Variants in POLG observed in about 807,000 individuals in gnomAD.
The protein encoded by POLG is DNA polymerase subunit gamma-1.
In POLG, 110 loss-of-function variants were observed where a neutral mutation model predicts 155.4. The observed-to-expected ratio is 0.71, with a 90% CI of 0.61 to 0.83. POLG has a LOEUF of 0.83. Ranked by LOEUF, POLG falls within the 40% of genes least tolerant of loss-of-function variation. The pLI is 0.00. For synonymous variants in POLG, 701 were observed against 631.5 expected, an observed-to-expected ratio of 1.11 and a Z score of -1.65; for missense variants, 1,685 against 1,627.5, an observed-to-expected ratio of 1.04 and a Z score of -0.61.
Position 89,333,769 on chromosome 15 carries a change from C to A in POLG, c.-15G>T. On this transcript the variant is annotated 5_prime_UTR_variant, in exon 2 of 23. Transcript: ENST00000268124. Reference sequence around the variant, plus strand: ...AGGCGGCTCATGGTTGGTGCAGGGACCCCCACGCTGGGAGTCAGAACACCT... The same window carrying A: ...AGGCGGCTCATGGTTGGTGCAGGGAACCCCACGCTGGGAGTCAGAACACCT... 6.5e-7 allele frequency: 1 copy of A among 1,534,992 alleles called. No individual in the cohort carries two copies. Among genetic ancestry groups the A allele is most frequent in the Non-Finnish European group, 8.7e-7 (1 of 1,146,344 alleles).
chr15:89,318,232 C>CA (rs2055333030), intron 21 of POLG, among the ~76,000 whole-genome samples: 1 of 152,166 alleles, frequency 6.6e-6, no homozygotes, highest in Non-Finnish European at 1.5e-5. Context: ...AGGCTTCTGT[C>CA]ATTTGATTTT....
chr15:89,327,474 A>G, intron 6 of POLG, 125 bp from the exon 7 acceptor site: 1 of 825,146 alleles, frequency 1.2e-6, no homozygotes, highest in Non-Finnish European at 2.0e-6. Context: ...GTCAGACGGC[A>G]TTAAATCCCA....
intron 5 of POLG, 39 bp downstream of exon 5, chr15:89,328,646 C>A: frequency 1.2e-6 from 2 of 1,613,112 alleles, no homozygotes; most frequent in Non-Finnish European, 1.7e-6. Context: ...TAGGGGTGTG[C>A]CACAGCCCAT....
At position 89,326,911 on chromosome 15, in the gene POLG, C is replaced by T; in HGVS notation, c.1585+1G>A. The T allele has an allele frequency of 6.2e-7, 1 of 1,614,144 alleles. No homozygotes were observed. The highest frequency in any genetic ancestry group is 8.5e-7 in the Non-Finnish European group (1 of 1,180,034). Reference sequence around the variant, plus strand: ...CCCTACCTCCCACCCATGCTCCCCACCTTCCTGATCCATGGGATCACCAGG... The same window carrying T: ...CCCTACCTCCCACCCATGCTCCCCATCTTCCTGATCCATGGGATCACCAGG... On this transcript the variant is annotated splice_donor_variant, in intron 8 of 22. Coordinates refer to ENST00000268124, the MANE Select transcript of POLG (RefSeq NM_002693.3). LOFTEE classifies it high-confidence loss of function.
intron 13 of POLG, among the ~76,000 whole-genome samples, 167 bp from the exon 14 acceptor site, chr15:89,323,069 ACGTGCACACACATG>A (rs1567187996): frequency 3.3e-5 from 5 of 152,220 alleles, no homozygotes; most frequent in Non-Finnish European, 5.9e-5. Context: ...GCACACACAC[ACGTGCACACACATG>A]CCCCCTAAGA....
At chr15:89,334,519 G>A (rs1011205324) in intron 1 of POLG, 154 bp downstream of exon 1, 19 of 152,100 alleles carry the variant, frequency 1.2e-4, no homozygotes, top group African/African-American at 4.6e-4. Context: ...CCACCCCCGT[G>A]CGCCCCGCCG....
At chr15:89,322,130 C>G (rs974267453) in intron 14 of POLG, 115 bp from the exon 15 acceptor site, 1 of 987,318 alleles carries the variant, frequency 1.0e-6, no homozygotes, top group Non-Finnish European at 1.6e-6. Flanking sequence ...CATTACCCAG[C>G]CTCACTAACT....
Position 89,321,795 on chromosome 15 carries a change from C to G in POLG, c.2539G>C (p.Ala847Pro), listed in dbSNP as rs750203541. Residue 847 changes from alanine (A) to proline (P), a missense_variant, in exon 16 of 23, where the codon GCC (alanine) becomes CCC (proline). Ala to Pro is a conservative substitution (Grantham distance 27). Coordinates refer to ENST00000268124, the MANE Select transcript of POLG (RefSeq NM_002693.3). ...YGAILPQVVTAGTITRRAVEP... is the reference protein window; with the variant it reads ...YGAILPQVVTPGTITRRAVEP... ...ACAGCCCGGCGAGTGATGGTGCCGG[C>G]AGTCACCACTTGGGGCAGGATGGCC... 1 of 1,614,170 alleles carries G rather than the reference C, an allele frequency of 6.2e-7. No individual in the cohort carries two copies. Among genetic ancestry groups the G allele is most frequent in the South Asian group, 1.1e-5 (1 of 91,082 alleles).
intron 6 of POLG, 90 bp downstream of exon 6, chr15:89,328,362 AACCT>A (rs2055549951): frequency 4.1e-6 from 4 of 970,890 alleles, no homozygotes; most frequent in Admixed American, 3.9e-5. Flanking sequence ...TAAGGTCCCC[AACCT>A]GAGATAGAAC....
In POLG at chr15:89,324,137, C is replaced by T. The variant is rs367740265; in HGVS notation, c.2040G>A (p.Leu680=). ...PQEAGLAEEF[L]LTDNSAIWQT... Reference sequence around the variant, plus strand: ...GCCATATGGCACTATTGTCAGTGAGCAGGAACTCCTCCGCCAGGCCGGCCT... The same window carrying T: ...GCCATATGGCACTATTGTCAGTGAGTAGGAACTCCTCCGCCAGGCCGGCCT... The change falls in exon 11 of 23, where the codon CTG becomes CTA. Residue 680 remains leucine (L), a synonymous_variant. Transcript: ENST00000268124. 1.1e-5 allele frequency: 17 copies of T among 1,614,074 alleles called. No individual in the cohort carries two copies. The East Asian group carries it at 1.1e-4, about 11-fold the overall frequency.
In POLG at chr15:89,326,735, A is replaced by T. The variant is rs778077819; in HGVS notation, c.1589T>A (p.Leu530His). Residue 530 changes from leucine to histidine, a missense_variant, in exon 9 of 23, where the codon CTC becomes CAC. Transcript: ENST00000268124. ...CTCCTCCTCCTCACTGCAGGGGCCG[A>T]GGTCTGTGAGGGTGGGGGAAGACAA... ...APGDPMDQEDLGPCSEEEEFQ... is the reference protein window; with the variant it reads ...APGDPMDQEDHGPCSEEEEFQ... The T allele has an allele frequency of 6.2e-7, 1 of 1,613,990 alleles. No individual in the cohort carries two copies. Among genetic ancestry groups the T allele is most frequent in the East Asian group, 2.2e-5 (1 of 44,866 alleles).
chr15:89,325,722 G>T (rs369631211), intron 9 of POLG, 36 bp from the exon 10 acceptor site: 1 of 1,466,364 alleles, frequency 6.8e-7, no homozygotes, highest in Admixed American at 1.7e-5. Context: ...TGTCACGATG[G>T]TAAGGGCAGT....
chr15:89,326,727 A>G lies in POLG; in HGVS notation c.1597T>C (p.Cys533Arg). The change falls in exon 9 of 23, where the codon TGC (cysteine) becomes CGC (arginine). Residue 533 changes from cysteine (C) to arginine (R), a missense_variant. Cys to Arg is a radical substitution (Grantham distance 180). This residue lies in a region of POLG where 1,210 missense variants were observed against 1,167.1 expected (regional missense o/e 1.04). Coordinates refer to ENST00000268124, the MANE Select transcript of POLG (RefSeq NM_002693.3). ...TGTTGAAACTCCTCCTCCTCACTGC[A>G]GGGGCCGAGGTCTGTGAGGGTGGGG... ...DPMDQEDLGP[C>R]SEEEEFQQDV... The G allele has an allele frequency of 1.2e-6, 2 of 1,614,032 alleles. No homozygotes were observed. Among genetic ancestry groups the G allele is most frequent in the Non-Finnish European group, 1.7e-6 (2 of 1,180,018 alleles).
chr15:89,320,862 G>GC lies in POLG; in HGVS notation c.2884dup (p.Ala962GlyfsTer2), dbSNP rs1252078081. ...GTTAAACTGCATTAGTAAGCGCTCA[G>GC]CAAAGGGCTGCCCAGCACCATAGAT... On this transcript the variant is annotated frameshift_variant, in exon 18 of 23. Coordinates refer to ENST00000268124, the MANE Select transcript of POLG (RefSeq NM_002693.3). LOFTEE classifies it high-confidence loss of function. The GC allele has an allele frequency of 6.2e-7, 1 of 1,613,972 alleles. No individual in the cohort carries two copies.
rs1204104728 is a variant in POLG at position 89,325,034 on chromosome 15, CAGAGAGTGAGTGAGTGAGTG to C, written c.1949+396_1949+415del. Among the ~76,000 whole-genome samples the C allele has an allele frequency of 1.5e-3, 177 of 118,350 alleles. 21 individuals are homozygous for C. The highest frequency in any genetic ancestry group is 0.012 in the East Asian group (48 of 4,126). 77.6% of individuals were successfully genotyped at this position (118,350 alleles called of 152,430 possible). On this transcript the variant is annotated intron_variant, in intron 10 of 22. Transcript: ENST00000268124. ...AGCCATGGAAGAAAAAACCTGAACC[CAGAGAGTGAGTGAGTGAGTG>C]AGAGAGTGAGTGAGTGAGTGAGTGA...
rs1380012959 is a variant in POLG, at chr15:89,328,796, G to A, written c.1059C>T (p.Val353=). 6.2e-7 allele frequency: 1 copy of A among 1,614,114 alleles called. No homozygotes were observed. The highest frequency in any genetic ancestry group is 2.2e-5 in the East Asian group (1 of 44,884). ...GTCTGTGCACCTCTGCCAGACTGTT[G>A]ACACTGCTGATGTCCAGCCAGTCCC... ...SSWDWLDISS[V]NSLAEVHRLY... is the part of the protein sequence containing the mutation. The change falls in exon 5 of 23, where the codon GTC becomes GTT. Residue 353 remains valine (V), a synonymous_variant. Transcript: ENST00000268124.
At position 89,333,552 on chromosome 15, in the gene POLG, T is replaced by C. The variant is rs1171419088; in HGVS notation, c.203A>G (p.Gln68Arg). ...GATGTCCAATGGGTTGTGCCGCAGC[T>C]GCCCGCCCTCCGAGGATAGCACTTG... ...QPQVLSSEGG[Q>R]LRHNPLDIQM... is the part of the protein sequence containing the mutation. Residue 68 changes from glutamine (Q) to arginine (R), a missense_variant, in exon 2 of 23, where the codon CAG becomes CGG. Coordinates refer to ENST00000268124, the MANE Select transcript of POLG (RefSeq NM_002693.3). The C allele has an allele frequency of 3.1e-6, 5 of 1,612,060 alleles. No individual in the cohort carries two copies. Among genetic ancestry groups the C allele is most frequent in the Non-Finnish European group, 1.7e-6 (2 of 1,179,388 alleles).
rs1024158080 is a variant in POLG, at chr15:89,317,009, A to C, written c.3644-182T>G. ...TTCTTTTTATATAAGTGTGTCTTAG[A>C]TATATTTTAAATAGAAAATAAGCTT... On this transcript the variant is annotated intron_variant, in intron 22 of 22. Transcript: ENST00000268124. 8.0e-6 allele frequency: 5 copies of C among 621,890 alleles called. No individual in the cohort carries two copies. The African/African-American group carries it at 9.3e-5, about 12-fold the overall frequency. 38.5% of individuals were successfully genotyped at this position (621,890 alleles called of 1,614,324 possible).
In POLG at chr15:89,323,848, C is replaced by T. The variant is rs1372249434; in HGVS notation, c.2124G>A (p.Leu708=). 6 of 1,614,052 alleles carry T rather than the reference C, an allele frequency of 3.7e-6. No homozygotes were observed. Among genetic ancestry groups the T allele is most frequent in the Admixed American group, 1.7e-5 (1 of 60,014 alleles). The stretch of plus-strand genomic sequence containing the variant: ...GGGGTTGACCTGGCACTGCAGCTCG[C>T]AAGTTCTCCATCTTGGCCTCAGCCT... The part of the protein sequence containing the change: ...EVEAEAKMEN[L]RAAVPGQPLA... Residue 708 remains leucine (L), a synonymous_variant, in exon 12 of 23, where the codon TTG becomes TTA. Coordinates refer to ENST00000268124, the MANE Select transcript of POLG (RefSeq NM_002693.3).
Sources: gnomAD v4.1 joint callset for allele counts (sites outside exome capture counted in the v4.1 genomes callset) on GRCh38, gnomAD v4.1.1 for gene constraint, gnomAD v4.1.1 regional missense constraint, MANE v1.5 for transcripts, NCBI Gene and HGNC (gene_info 2026-07-23, HGNC 2026-07-21) for gene names.